The following PRDM10 variants were observed in gnomAD, a reference collection of about 807,000 sequenced individuals.
PRDM10 encodes the protein PR/SET domain 10, also known as PR domain zinc finger protein 10.
A neutral mutation model predicts 133.1 loss-of-function variants in PRDM10; 65 were observed. The observed-to-expected ratio is 0.49, with a 90% CI of 0.40 to 0.60. The LOEUF is 0.60. PRDM10 is among the 20% of genes least tolerant of loss of function. The pLI is 0.00. For synonymous variants in PRDM10, 582 were observed against 580.4 expected (o/e 1.00, Z -0.04); for missense variants, 1,137 against 1,507.1 (o/e 0.75, Z 4.07).
intron 11 of PRDM10, among the ~76,000 whole-genome samples, chr11:129,926,888 A>G (rs1375192585): frequency 2.0e-5 from 3 of 152,248 alleles, no homozygotes; most frequent in Non-Finnish European, 4.4e-5. Context: ...ATTTTTCTAC[A>G]GCATCTGCAG....
chr11:129,979,358 C>T (rs1327421678), intron 1 of PRDM10, among the ~76,000 whole-genome samples: 6 of 151,874 alleles, frequency 4.0e-5, no homozygotes, highest in Non-Finnish European at 8.8e-5. Flanking sequence ...GCCCTCTCCC[C>T]AGGATACCCA....
At position 129,918,577 on chromosome 11, in the gene PRDM10, G is replaced by A. The variant is rs1353386668; in HGVS notation, c.2176C>T (p.Arg726Cys). The change falls in exon 14 of 21, where the codon CGC becomes TGC. Residue 726 changes from arginine (R) to cysteine (C), a missense_variant. Physicochemically the swap from Arg to Cys is radical, Grantham distance 180. Transcript: ENST00000360871. The surrounding 1 kb of genome is among the most constrained non-coding windows in gnomAD (Gnocchi z 5.3). Reference sequence around the variant, plus strand: ...CGCCGGAAGCCCATCATGCACAGGCGGCACTTGAACGTGAAGCTGTCGTAG... The same window carrying A: ...CGCCGGAAGCCCATCATGCACAGGCAGCACTTGAACGTGAAGCTGTCGTAG... ...TDYDSFTFKC[R>C]LCMMGFRRRG... is the part of the protein sequence containing the mutation. 1.9e-6 allele frequency: 3 copies of A among 1,614,184 alleles called. No homozygotes were observed. Among genetic ancestry groups the A allele is most frequent in the Non-Finnish European group, 2.5e-6 (3 of 1,180,028 alleles).
chr11:129,947,291 G>C lies in PRDM10; in HGVS notation c.374C>G (p.Thr125Ser). The C allele has an allele frequency of 1.2e-6, 2 of 1,614,108 alleles. No individual in the cohort carries two copies. Among genetic ancestry groups the C allele is most frequent in the Non-Finnish European group, 1.7e-6 (2 of 1,180,016 alleles). ...DGSDPLATLQ[T>S]PLGRLEAKEE... The stretch of plus-strand genomic sequence containing the variant: ...TTTGGCCTCCAGTCTGCCTAGAGGG[G>C]TCTGCAGAGTTGCCAAAGGGTCGGA... The change falls in exon 5 of 21, where the codon ACC becomes AGC. Residue 125 changes from threonine to serine, a missense_variant. Transcript: ENST00000360871. The surrounding 1 kb of genome is among the most constrained non-coding windows in gnomAD (Gnocchi z 4.6).
rs1030869414 is a variant in PRDM10 at position 129,918,439 on chromosome 11, C to T, written c.2214+100G>A. 17 of 1,343,994 alleles carry T rather than the reference C, an allele frequency of 1.3e-5. No homozygotes were observed. The highest frequency in any genetic ancestry group is 5.2e-5 in the South Asian group (3 of 57,358). The allele number at this position is 1,343,994 out of a possible 1,614,324, so 83.3% of individuals were successfully genotyped here. ...CCTGGACATTGACAAAACCATTGAT[C>T]GATATAACTTAGGACACAATGCAAC... On this transcript the variant is annotated intron_variant, in intron 14 of 20. Coordinates refer to ENST00000360871, the MANE Select transcript of PRDM10 (RefSeq NM_199437.2). This position sits in a 1 kb window ranked among gnomAD's most constrained non-coding sequence, Gnocchi z 5.3.
At chr11:129,964,016 A>C (rs1951855136) in intron 1 of PRDM10, among the ~76,000 whole-genome samples, 1 of 152,156 alleles carries the variant, frequency 6.6e-6, no homozygotes, top group African/African-American at 2.4e-5. Context: ...ATTTTTCAGA[A>C]TGCTCCTCAA....
intron 1 of PRDM10, among the ~76,000 whole-genome samples, chr11:129,995,223 AAGG>A (rs1938981713): frequency 6.6e-6 from 1 of 152,216 alleles, no homozygotes; most frequent in South Asian, 2.1e-4. Context: ...AAAAAGAATG[AAGG>A]AGAAGATGAA....
intron 10 of PRDM10, among the ~76,000 whole-genome samples, chr11:129,931,812 C>A (rs1950877441): frequency 6.6e-6 from 1 of 152,170 alleles, no homozygotes; most frequent in Non-Finnish European, 1.5e-5. Flanking sequence ...TCGTGATCCG[C>A]CCACCTCGGC....
chr11:129,952,560 T>C (rs1951606426), intron 4 of PRDM10, among the ~76,000 whole-genome samples: 1 of 152,130 alleles, frequency 6.6e-6, no homozygotes, highest in Admixed American at 6.5e-5. Context: ...ACAAAATGTC[T>C]GTCTGGAGTG....
chr11:129,960,779 T>G (rs1951781189), intron 2 of PRDM10, 117 bp downstream of exon 2: 1 of 1,029,164 alleles, frequency 9.7e-7, no homozygotes, highest in Non-Finnish European at 1.5e-6. Flanking sequence ...TACGAGTTCT[T>G]CATGTCGGCT....
At chr11:129,912,969 A>G in intron 17 of PRDM10, among the ~76,000 whole-genome samples, 1 of 151,866 alleles carries the variant, frequency 6.6e-6, no homozygotes, top group Admixed American at 6.6e-5. Flanking sequence ...CTAAGGCAGA[A>G]GAATCACTTG....
chr11:129,958,367 C>T (rs985798727), intron 2 of PRDM10, among the ~76,000 whole-genome samples: 1 of 152,114 alleles, frequency 6.6e-6, no homozygotes, highest in Non-Finnish European at 1.5e-5. Flanking sequence ...TTTGGCTAGG[C>T]GTGGTGGTTC....
At chr11:129,959,875 G>A (rs1025352684) in intron 2 of PRDM10, among the ~76,000 whole-genome samples, 2 of 151,364 alleles carry the variant, frequency 1.3e-5, no homozygotes, top group African/African-American at 2.4e-5. Context: ...ACCTCCTAGA[G>A]ACATGACCGC....
chr11:129,908,657 A>G (rs141837784), intron 19 of PRDM10, among the ~76,000 whole-genome samples: 6 of 152,220 alleles, frequency 3.9e-5, no homozygotes, highest in Non-Finnish European at 8.8e-5. Flanking sequence ...TCCTCTCTCT[A>G]CTTTTATATA....
intron 1 of PRDM10, among the ~76,000 whole-genome samples, chr11:129,994,861 G>A (rs192851031): frequency 2.8e-3 from 429 of 152,132 alleles, no homozygotes; most frequent in Non-Finnish European, 4.0e-3. Flanking sequence ...CACCGCGTTA[G>A]CCAGGATTGT....
At position 129,957,871 on chromosome 11, in the gene PRDM10, C is replaced by T. The variant is rs1951726394; in HGVS notation, c.109G>A (p.Val37Ile). 1 of 1,613,718 alleles carries T rather than the reference C, an allele frequency of 6.2e-7. No individual in the cohort carries two copies. Among genetic ancestry groups the T allele is most frequent in the Non-Finnish European group, 8.5e-7 (1 of 1,179,810 alleles). ...GGGCGAACCTGGTCATCGGTATAGA[C>T]AATCTGAGCCACTGTTCCTGTGTCC... ...VPDTGTVAQI[V>I]YTDDQVRPPQ... The change falls in exon 3 of 21, where the codon GTC (valine) becomes ATC (isoleucine). Residue 37 changes from valine to isoleucine, a missense_variant. Val to Ile is a conservative substitution (Grantham distance 29). This residue lies in a region of PRDM10 where 635 missense variants were observed against 835.2 expected (regional missense o/e 0.76). Transcript: ENST00000360871.
intron 1 of PRDM10, among the ~76,000 whole-genome samples, chr11:129,982,351 C>T (rs1388970641): frequency 6.6e-6 from 1 of 152,070 alleles, no homozygotes; most frequent in Non-Finnish European, 1.5e-5. Flanking sequence ...CAACCACTGC[C>T]TCCCGGGCTC....
rs1003531390 is a variant in PRDM10, at chr11:129,944,391, G to A, written c.762+380C>T. ...GGGCAGATCACGAGGTCAGGAGATC[G>A]AGACCACGGTGAAACCCCGTCTCTA... On this transcript the variant is annotated intron_variant, in intron 6 of 20. Coordinates refer to ENST00000360871, the MANE Select transcript of PRDM10 (RefSeq NM_199437.2). 1.3e-4 allele frequency among the ~76,000 whole-genome samples: 20 copies of A among 152,124 alleles called. No homozygotes were observed. In the East Asian group the frequency reaches 2.7e-3, roughly 21 times the overall value.
intron 1 of PRDM10, among the ~76,000 whole-genome samples, chr11:129,963,382 G>GAGAGAAGAGA (rs200446357): frequency 0.18 from 12,944 of 73,700 alleles, 1,802 homozygotes; most frequent in Non-Finnish European, 0.21. Flanking sequence ...AAAGAAAAAA[G>GAGAGAAGAGA]AGAGAAGAGA....
At position 129,908,915 on chromosome 11, in the gene PRDM10, A is replaced by G. The variant is rs371347228; in HGVS notation, c.3163+1561T>C. On this transcript the variant is annotated intron_variant, in intron 19 of 20. Coordinates refer to ENST00000360871, the MANE Select transcript of PRDM10 (RefSeq NM_199437.2). ...CTAATTTTTTTTGTGTTTTTAATAG[A>G]GATGGGGTTTCACCATGTTGGCCAG... is the stretch of plus-strand genomic sequence containing the variant. Among the ~76,000 whole-genome samples the G allele has an allele frequency of 2.2e-4, 34 of 151,814 alleles. No homozygotes were observed. In the East Asian group the frequency reaches 4.6e-3, roughly 20 times the overall value.
Sources: allele counts gnomAD v4.1 joint callset (sites outside exome capture counted in the v4.1 genomes callset), GRCh38; gene constraint gnomAD v4.1.1; regional missense constraint gnomAD v4.1.1; non-coding constraint Gnocchi (gnomAD v3.1); transcripts MANE v1.5; gene names NCBI Gene and HGNC (gene_info 2026-07-23, HGNC 2026-07-21).